Variants in CENPL observed in about 807,000 individuals in gnomAD.
The protein encoded by CENPL is interphase centromere complex protein 33.
A neutral mutation model predicts 35.2 loss-of-function variants in CENPL; 20 were observed. The observed-to-expected ratio is 0.57, with a 90% CI of 0.40 to 0.83. CENPL has a LOEUF of 0.83. Ranked by LOEUF, CENPL falls within the 40% of genes least tolerant of loss-of-function variation. The pLI, the probability that CENPL is intolerant of heterozygous loss-of-function variation, is 0.00. For synonymous variants in CENPL, 140 were observed against 140.6 expected (o/e 1.00, Z 0.03); for missense variants, 363 against 395.8 (o/e 0.92, Z 0.70).
intron 4 of CENPL, among the ~76,000 whole-genome samples, chr1:173,804,141 A>G (rs1230191170): frequency 6.6e-6 from 1 of 152,238 alleles, no homozygotes; most frequent in African/African-American, 2.4e-5. Context: ...AAAATCTAAC[A>G]TGTTTGAATT....
chr1:173,812,125 G>T (rs549147939), intron 2 of CENPL, among the ~76,000 whole-genome samples: 1 of 152,226 alleles, frequency 6.6e-6, no homozygotes, highest in African/African-American at 2.4e-5. Flanking sequence ...AGGGGCGTCC[G>T]CCATTGCTGA....
Position 173,807,316 on chromosome 1 carries a change from A to C in CENPL, c.371T>G (p.Leu124Arg). ...DFNIKVIFST[L>R]LGMKGTQRDP... ...CCTTTGTGTTCCTTTCATTCCTAGG[A>C]GAGTAGAAAAAATCACTTTGATGTT... is the stretch of plus-strand genomic sequence containing the variant. The change falls in exon 4 of 6, where the codon CTC (leucine) becomes CGC (arginine). Residue 124 changes from leucine to arginine, a missense_variant. Coordinates refer to ENST00000682279, the MANE Select transcript of CENPL (RefSeq NM_001387287.1). 1 of 1,613,464 alleles carries C rather than the reference A, an allele frequency of 6.2e-7. No individual in the cohort carries two copies. Among genetic ancestry groups the C allele is most frequent in the Non-Finnish European group, 8.5e-7 (1 of 1,179,608 alleles).
intron 3 of CENPL, among the ~76,000 whole-genome samples, chr1:173,808,284 C>G (rs1650429872): frequency 6.6e-6 from 1 of 151,770 alleles, no homozygotes. Context: ...GTGGTGTGCA[C>G]CTGTAATCCC....
chr1:173,822,468 C>T (rs1390715545), intron 2 of CENPL: 1 of 152,058 alleles, frequency 6.6e-6, no homozygotes, highest in Non-Finnish European at 1.5e-5. Context: ...CTATATGACT[C>T]CTAAATCTCT....
chr1:173,804,089 A>C (rs993291212), intron 4 of CENPL, among the ~76,000 whole-genome samples: 11 of 152,028 alleles, frequency 7.2e-5, no homozygotes, highest in African/African-American at 2.7e-4. Flanking sequence ...ACAAACAAAC[A>C]AAAAAAACCC....
intron 2 of CENPL, among the ~76,000 whole-genome samples, chr1:173,818,644 T>C (rs1253231116): frequency 6.6e-6 from 1 of 152,188 alleles, no homozygotes; most frequent in African/African-American, 2.4e-5. Flanking sequence ...GAATGAGCTC[T>C]CATCTCTAAA....
At chr1:173,816,936 G>A (rs551967661) in intron 2 of CENPL, among the ~76,000 whole-genome samples, 4 of 152,162 alleles carry the variant, frequency 2.6e-5, no homozygotes, top group African/African-American at 4.8e-5. Flanking sequence ...TCAGGAGTTC[G>A]AGCCCAGCCT....
intron 5 of CENPL, among the ~76,000 whole-genome samples, chr1:173,802,500 C>T (rs1479406770): frequency 6.6e-6 from 1 of 152,188 alleles, no homozygotes; most frequent in Non-Finnish European, 1.5e-5. Context: ...GCCACCATGC[C>T]TGGCCTATTT....
At position 173,814,993 on chromosome 1, in the gene CENPL, C is replaced by A. The variant is rs923251908; in HGVS notation, c.-7-3687G>T. On this transcript the variant is annotated intron_variant, in intron 2 of 5. Transcript: ENST00000682279. ...AAGCACATAGATGCAATAAAAAATG[C>A]TAAAGGGAATATCACCAGTGATCCC... is the stretch of plus-strand genomic sequence containing the variant. Among the ~76,000 whole-genome samples the A allele has an allele frequency of 9.2e-5, 14 of 152,138 alleles. No individual in the cohort carries two copies. The East Asian group carries it at 1.7e-3, about 19-fold the overall frequency.
rs113752391 is a variant in CENPL at position 173,801,583 on chromosome 1, G to A, written c.964-1064C>T. On this transcript the variant is annotated intron_variant, in intron 5 of 5. Coordinates refer to ENST00000682279, the MANE Select transcript of CENPL (RefSeq NM_001387287.1). ...TGCCTGTAATCCCAACACTTTAGGA[G>A]GCCAAGGCAAGTGGATCATTTGAGG... 9.3e-3 allele frequency among the ~76,000 whole-genome samples: 1,412 copies of A among 151,412 alleles called. 20 individuals carry two copies. Among genetic ancestry groups the A allele is most frequent in the African/African-American group, 0.031 (1,285 of 41,274 alleles).
At chr1:173,810,502 TA>T (rs1571961438) in intron 3 of CENPL, among the ~76,000 whole-genome samples, 1 of 151,994 alleles carries the variant, frequency 6.6e-6, no homozygotes. Flanking sequence ...ATCCTGCACA[TA>T]TACCCCTTAA....
chr1:173,808,084 A>G (rs1302396629), intron 3 of CENPL, among the ~76,000 whole-genome samples: 1 of 152,108 alleles, frequency 6.6e-6, no homozygotes, highest in Non-Finnish European at 1.5e-5. Flanking sequence ...AACCATTCCT[A>G]AAGTATCTAA....
At chr1:173,823,340 G>T (rs1027385544) in intron 2 of CENPL, 7 of 148,618 alleles carry the variant, frequency 4.7e-5, no homozygotes, top group Non-Finnish European at 8.9e-5. Context: ...AAGATCCATC[G>T]ACATTAGCCT....
intron 4 of CENPL, among the ~76,000 whole-genome samples, chr1:173,805,852 A>T (rs991049618): frequency 4.2e-5 from 6 of 143,014 alleles, no homozygotes; most frequent in East Asian, 2.1e-4. Context: ...CTTTTTTTTT[A>T]AAAAAAGACA....
Position 173,803,352 on chromosome 1 carries a change from T to TA in CENPL, c.573dup (p.Asn192Ter). ...AACCAAGTTCCAATTATTGCTGTGT[T>TA]AGACTCTGCTCCATTTGCAAGGAAT... is the stretch of plus-strand genomic sequence containing the variant. On this transcript the variant is annotated frameshift_variant, in exon 5 of 6. Transcript: ENST00000682279. LOFTEE classifies it high-confidence loss of function. 1 of 1,614,104 alleles carries TA rather than the reference T, an allele frequency of 6.2e-7. No homozygotes were observed. The highest frequency in any genetic ancestry group is 8.5e-7 in the Non-Finnish European group (1 of 1,179,974).
At chr1:173,821,358 T>G (rs753125063) in intron 2 of CENPL, among the ~76,000 whole-genome samples, 1 of 152,228 alleles carries the variant, frequency 6.6e-6, no homozygotes, top group Non-Finnish European at 1.5e-5. Flanking sequence ...ACTTAGCTAC[T>G]TCTTTCACGT....
intron 2 of CENPL, among the ~76,000 whole-genome samples, chr1:173,814,412 A>C (rs554320891): frequency 6.6e-6 from 1 of 152,340 alleles, no homozygotes; most frequent in East Asian, 1.9e-4. Flanking sequence ...ACTTATTCTA[A>C]AATTGACCAC....
intron 4 of CENPL, chr1:173,806,651 C>A (rs768470081): frequency 4.8e-5 from 10 of 209,612 alleles, no homozygotes; most frequent in Non-Finnish European, 8.0e-5. Context: ...TATATAAGAG[C>A]AACAGAACTA....
chr1:173,820,684 A>C (rs939883327), intron 2 of CENPL, among the ~76,000 whole-genome samples: 3 of 152,206 alleles, frequency 2.0e-5, no homozygotes, highest in Admixed American at 1.3e-4. Context: ...TCAGTGGGTG[A>C]ATGATAAATA....
Sources: gnomAD v4.1 joint callset for allele counts (sites outside exome capture counted in the v4.1 genomes callset) on GRCh38, gnomAD v4.1.1 for gene constraint, MANE v1.5 for transcripts, NCBI Gene and HGNC (gene_info 2026-07-23, HGNC 2026-07-21) for gene names.